GLT1D1: variants seen among roughly 807,000 people sequenced by gnomAD.
GLT1D1 encodes the protein glycosyltransferase 1 domain containing 1.
A neutral mutation model predicts 28.7 loss-of-function variants in GLT1D1; 21 were observed. The ratio of observed to expected loss-of-function variants is 0.73; its 90% CI spans 0.52 to 1.05. GLT1D1 has a LOEUF of 1.05. Among genes scored for constraint, GLT1D1 ranks in the 50% least tolerant of loss-of-function variants. GLT1D1 has a pLI of 0.00. For missense variants in GLT1D1, 343 were observed against 330.6 expected (o/e 1.04, Z -0.29); for synonymous variants, 147 against 124.8 (o/e 1.18, Z -1.19).
chr12:128,925,047 T>G (rs1447796938), intron 4 of GLT1D1, among the ~76,000 whole-genome samples: 1 of 152,180 alleles, frequency 6.6e-6, no homozygotes, highest in Admixed American at 6.5e-5. Flanking sequence ...TTTGTTTTTT[T>G]TTTTTACTTT....
intron 1 of GLT1D1, among the ~76,000 whole-genome samples, chr12:128,859,639 G>A (rs1956309408): frequency 6.6e-6 from 1 of 152,226 alleles, no homozygotes; most frequent in Non-Finnish European, 1.5e-5. Context: ...TGGAGAGGGA[G>A]ACAGGGCCAC....
At chr12:128,951,671 G>A (rs188415318) in intron 6 of GLT1D1, among the ~76,000 whole-genome samples, 5 of 152,240 alleles carry the variant, frequency 3.3e-5, no homozygotes, top group East Asian at 1.9e-4. Flanking sequence ...TTCTGAGGTC[G>A]AGCACACTCA....
chr12:128,921,183 T>C (rs1198961579), intron 4 of GLT1D1, among the ~76,000 whole-genome samples: 2 of 152,042 alleles, frequency 1.3e-5, no homozygotes, highest in Non-Finnish European at 2.9e-5. Flanking sequence ...AAATGCTGTC[T>C]CTTTCTTTTA....
chr12:128,974,558 G>A (rs1879584099), intron 7 of GLT1D1, among the ~76,000 whole-genome samples: 3 of 152,162 alleles, frequency 2.0e-5, no homozygotes, highest in Non-Finnish European at 4.4e-5. Context: ...GAGTTTTACT[G>A]TCTCACCATC....
chr12:128,976,466 G>A (rs538115770), intron 7 of GLT1D1, among the ~76,000 whole-genome samples: 5 of 152,298 alleles, frequency 3.3e-5, no homozygotes, highest in Admixed American at 3.3e-4. Context: ...AAAGCCCGAG[G>A]AAAACCCGAG....
intron 2 of GLT1D1, among the ~76,000 whole-genome samples, chr12:128,881,084 C>T (rs369030310): frequency 2.0e-5 from 3 of 151,322 alleles, no homozygotes; most frequent in East Asian, 3.9e-4. Context: ...TTTAGCCGGG[C>T]GTGTTGGCGG....
intron 1 of GLT1D1, among the ~76,000 whole-genome samples, chr12:128,868,510 CG>C (rs58064548): frequency 0.013 from 1,942 of 152,288 alleles, 44 homozygotes; most frequent in African/African-American, 0.043. Context: ...CGCAGGCCTC[CG>C]GGAACTTCTG....
intron 2 of GLT1D1, among the ~76,000 whole-genome samples, chr12:128,887,929 A>AT (rs1186288973): frequency 6.6e-5 from 10 of 152,116 alleles, no homozygotes; most frequent in Admixed American, 6.6e-4. Flanking sequence ...TAAGCACATC[A>AT]TTCAGCCTGA....
intron 1 of GLT1D1, among the ~76,000 whole-genome samples, chr12:128,868,696 C>T (rs1956609750): frequency 6.6e-6 from 1 of 152,140 alleles, no homozygotes; most frequent in African/African-American, 2.4e-5. Flanking sequence ...CTGCCAGAGC[C>T]AGTGGGGTCT....
At chr12:128,853,904 A>G (rs1593032936) in intron 1 of GLT1D1, among the ~76,000 whole-genome samples, 1 of 152,128 alleles carries the variant, frequency 6.6e-6, no homozygotes, top group Admixed American at 6.5e-5. Context: ...GGGACTGAGC[A>G]GGTGAACAGG....
intron 4 of GLT1D1, among the ~76,000 whole-genome samples, chr12:128,932,867 A>G (rs549265398): frequency 2.0e-5 from 3 of 152,188 alleles, no homozygotes; most frequent in African/African-American, 2.4e-5. Context: ...GGGAAAAGCA[A>G]TAGCCACCGC....
At chr12:128,972,305 C>T (rs148896386) in intron 7 of GLT1D1, among the ~76,000 whole-genome samples, 5 of 152,378 alleles carry the variant, frequency 3.3e-5, no homozygotes, top group Non-Finnish European at 7.3e-5. Context: ...CATGGCCTGG[C>T]TCCAGCTCCA....
chr12:128,917,189 C>T (rs1872188173), intron 4 of GLT1D1, among the ~76,000 whole-genome samples: 2 of 152,098 alleles, frequency 1.3e-5, no homozygotes, highest in African/African-American at 4.8e-5. Flanking sequence ...TATCTTTATT[C>T]CAATATCATG....
chr12:128,929,377 C>T (rs906436586), intron 4 of GLT1D1, among the ~76,000 whole-genome samples: 2 of 152,228 alleles, frequency 1.3e-5, no homozygotes, highest in African/African-American at 2.4e-5. Flanking sequence ...AAACAAAACG[C>T]ACTTAGCGTT....
intron 4 of GLT1D1, among the ~76,000 whole-genome samples, chr12:128,912,924 G>C (rs1161037524): frequency 6.6e-6 from 1 of 152,014 alleles, no homozygotes; most frequent in Non-Finnish European, 1.5e-5. Context: ...CCTGAGAATG[G>C]CTACATTGTT....
At chr12:128,965,763 C>T (rs11060044) in intron 7 of GLT1D1, among the ~76,000 whole-genome samples, 7,116 of 147,594 alleles carry the variant, frequency 0.048, 203 homozygotes, top group Middle Eastern at 0.1. Context: ...GATGTGGTGG[C>T]TCATGCCTGT....
At chr12:128,911,112 T>A (rs1383413502) in intron 4 of GLT1D1, among the ~76,000 whole-genome samples, 1 of 152,164 alleles carries the variant, frequency 6.6e-6, no homozygotes, top group Non-Finnish European at 1.5e-5. Context: ...GTATTTTTAG[T>A]AGAGACAGGG....
chr12:128,960,483 C>A (rs1450069954), intron 7 of GLT1D1, among the ~76,000 whole-genome samples: 1 of 152,132 alleles, frequency 6.6e-6, no homozygotes, highest in African/African-American at 2.4e-5. Context: ...TGAGGCCGGG[C>A]ACAGTGGCTC....
At chr12:128,939,807 A>G (rs1325566927) in intron 4 of GLT1D1, among the ~76,000 whole-genome samples, 1 of 148,964 alleles carries the variant, frequency 6.7e-6, no homozygotes, top group Non-Finnish European at 1.5e-5. Flanking sequence ...TCGCGAGACA[A>G]CACTGGGGGA....
Sources: gnomAD v4.1 joint callset for allele counts (sites outside exome capture counted in the v4.1 genomes callset) on GRCh38, gnomAD v4.1.1 for gene constraint, MANE v1.5 for transcripts, NCBI Gene and HGNC (gene_info 2026-07-23, HGNC 2026-07-21) for gene names.